IL5RA: variants seen among roughly 807,000 people sequenced by gnomAD.
IL5RA encodes the protein interleukin-5 receptor subunit alpha.
IL5RA carries 49 observed loss-of-function variants against 50.0 expected under a neutral mutation model. That is an observed-to-expected ratio of 0.98 (90% CI 0.78 to 1.24). The LOEUF is 1.24. Among genes scored for constraint, IL5RA ranks in the 50% most tolerant of loss-of-function variants. IL5RA has a pLI of 0.00. For synonymous variants in IL5RA, 202 were observed against 174.0 expected (o/e 1.16, Z -1.26); for missense variants, 600 against 500.4 (o/e 1.20, Z -1.90).
At chr3:3,091,454 C>T (rs915446853) in intron 9 of IL5RA, among the ~76,000 whole-genome samples, 9 of 152,214 alleles carry the variant, frequency 5.9e-5, no homozygotes, top group Non-Finnish European at 8.8e-5. Context: ...ACATATGGCT[C>T]GGCACAGCGG....
intron 3 of IL5RA, among the ~76,000 whole-genome samples, chr3:3,104,184 C>T (rs1229216060): frequency 6.6e-6 from 1 of 152,218 alleles, no homozygotes; most frequent in Non-Finnish European, 1.5e-5. Context: ...AGATTACAGG[C>T]ATGTGCCACC....
chr3:3,075,738 A>T (rs895124798), intron 10 of IL5RA, among the ~76,000 whole-genome samples: 1 of 151,734 alleles, frequency 6.6e-6, no homozygotes, highest in Non-Finnish European at 1.5e-5. Flanking sequence ...GTAGCTGGGA[A>T]TACAGGCACG....
At chr3:3,071,926 C>T (rs893754007) in intron 11 of IL5RA, among the ~76,000 whole-genome samples, 2 of 152,152 alleles carry the variant, frequency 1.3e-5, no homozygotes, top group African/African-American at 2.4e-5. Context: ...GAGGTCTGAA[C>T]AAGCAAAAAC....
rs139531666 is a variant in IL5RA, at chr3:3,092,094, C to G, written c.994+130G>C. 1 of 1,445,604 alleles carries G rather than the reference C, an allele frequency of 6.9e-7. No homozygotes were observed. Among genetic ancestry groups the G allele is most frequent in the African/African-American group, 1.4e-5 (1 of 70,322 alleles). The allele number at this position is 1,445,604 out of a possible 1,614,324, so 89.5% of individuals were successfully genotyped here. A position where few individuals can be genotyped will look rare whatever the true frequency, so the allele number is the denominator to read the frequency against. The stretch of plus-strand genomic sequence containing the variant: ...ATTCCTGATTGAAAAGGCAGTAGAC[C>G]GAGAGAAAATTAGTCACAATAGAGA... On this transcript the variant is annotated intron_variant, in intron 9 of 11. Transcript: ENST00000446632. The surrounding 1 kb of genome is among the most constrained non-coding windows in gnomAD (Gnocchi z 4.2).
intron 8 of IL5RA, among the ~76,000 whole-genome samples, chr3:3,093,554 C>T (rs1703227939): frequency 6.6e-6 from 1 of 152,230 alleles, no homozygotes; most frequent in East Asian, 1.9e-4. Flanking sequence ...CACACGCACA[C>T]ACACGTGCAC....
At chr3:3,106,876 G>A (rs1703948451) in intron 2 of IL5RA, among the ~76,000 whole-genome samples, 1 of 149,858 alleles carries the variant, frequency 6.7e-6, no homozygotes, top group Non-Finnish European at 1.5e-5. Flanking sequence ...TCACTGACTG[G>A]CAAAGTAAAA....
intron 9 of IL5RA, among the ~76,000 whole-genome samples, chr3:3,081,766 G>A (rs1300148248): frequency 6.6e-6 from 1 of 152,096 alleles, no homozygotes; most frequent in Non-Finnish European, 1.5e-5. Flanking sequence ...TTCATTAAAT[G>A]AAAAAAAGTT....
chr3:3,102,061 C>G (rs111594960), intron 4 of IL5RA, among the ~76,000 whole-genome samples: 5 of 152,302 alleles, frequency 3.3e-5, no homozygotes, highest in South Asian at 4.1e-4. Flanking sequence ...TACAGTTAAA[C>G]TCAAGTTCCC....
Position 3,104,593 on chromosome 3 carries a change from C to A in IL5RA, c.82+310G>T, listed in dbSNP as rs576910116. Among the ~76,000 whole-genome samples, 3 of 114,414 alleles carry A rather than the reference C, an allele frequency of 2.6e-5. No individual in the cohort carries two copies. The East Asian group carries it at 1.3e-3, about 51-fold the overall frequency. 75.1% of individuals were successfully genotyped at this position (114,414 alleles called of 152,430 possible). A position where few individuals can be genotyped will look rare whatever the true frequency, so the allele number is the denominator to read the frequency against. Reference sequence around the variant, plus strand: ...AGTTTCTTAACGTTTGGTCATGGGGCCTTCTAACTACTCCCTTGTGTGAGA... The same window carrying A: ...AGTTTCTTAACGTTTGGTCATGGGGACTTCTAACTACTCCCTTGTGTGAGA... On this transcript the variant is annotated intron_variant, in intron 3 of 11. Transcript: ENST00000446632.
rs749310318 is a variant in IL5RA, at chr3:3,102,649, G to C, written c.228+26C>G. ...CAAAATGCATATTTATTCTCAATAA[G>C]GATATCCATTAGAATAAACACTTAC... On this transcript the variant is annotated intron_variant, in intron 4 of 11. Coordinates refer to ENST00000446632, the MANE Select transcript of IL5RA (RefSeq NM_175726.4). The C allele has an allele frequency of 2.3e-5, 34 of 1,472,810 alleles. No individual in the cohort carries two copies. In the South Asian group the frequency reaches 4.2e-4, roughly 18 times the overall value. The allele number at this position is 1,472,810 out of a possible 1,614,324, so 91.2% of individuals were successfully genotyped here. A position where few individuals can be genotyped will look rare whatever the true frequency, so the allele number is the denominator to read the frequency against.
At chr3:3,081,581 G>A (rs1702666015) in intron 9 of IL5RA, among the ~76,000 whole-genome samples, 1 of 152,176 alleles carries the variant, frequency 6.6e-6, no homozygotes, top group Non-Finnish European at 1.5e-5. Context: ...CTCAACTTGT[G>A]CAATATCCCC....
rs1267755423 is a variant in IL5RA, at chr3:3,069,919, T to A, written c.*306A>T. ...AAAGCTGTCTGTTGTGAATGAAAAGTCTGAGGTGAGTCAAGCAAATTGCAA... is the reference window on the plus strand; with the variant it reads ...AAAGCTGTCTGTTGTGAATGAAAAGACTGAGGTGAGTCAAGCAAATTGCAA... On this transcript the variant is annotated 3_prime_UTR_variant, in exon 12 of 12. Transcript: ENST00000446632. 8.2e-6 allele frequency: 2 copies of A among 242,868 alleles called. No individual in the cohort carries two copies. The highest frequency in any genetic ancestry group is 1.6e-5 in the Non-Finnish European group (2 of 127,626). 15.0% of individuals were successfully genotyped at this position (242,868 alleles called of 1,614,324 possible).
chr3:3,080,883 A>T (rs115526850), intron 9 of IL5RA, among the ~76,000 whole-genome samples: 1 of 152,116 alleles, frequency 6.6e-6, no homozygotes, highest in South Asian at 2.1e-4. Flanking sequence ...TTTTGTAGAG[A>T]TGGGGCCTCA....
Position 3,098,075 on chromosome 3 carries a change from C to A in IL5RA, c.522-18G>T. 6.2e-7 allele frequency: 1 copy of A among 1,614,026 alleles called. No homozygotes were observed. On this transcript the variant is annotated intron_variant, in intron 6 of 11. Transcript: ENST00000446632. ...AGCCATACCTAAATTGGAACATTTA[C>A]GAGTGTTATGAGGTTGCAGGAAACA...
Position 3,069,985 on chromosome 3 carries a change from G to GA in IL5RA, c.*239dup. 1 of 430,880 alleles carries GA rather than the reference G, an allele frequency of 2.3e-6. No homozygotes were observed. Among genetic ancestry groups the GA allele is most frequent in the Non-Finnish European group, 4.2e-6 (1 of 240,396 alleles). The allele number at this position is 430,880 out of a possible 1,614,324, so 26.7% of individuals were successfully genotyped here. A position where few individuals can be genotyped will look rare whatever the true frequency, so the allele number is the denominator to read the frequency against. The stretch of plus-strand genomic sequence containing the variant: ...GAGGTGCTACCCTGTACGGCATGGG[G>GA]AGAAAAAACATGGCAAAATGCTTGG... On this transcript the variant is annotated 3_prime_UTR_variant, in exon 12 of 12. Transcript: ENST00000446632.
chr3:3,092,142 C>T lies in IL5RA; in HGVS notation c.994+82G>A, dbSNP rs144263907. 205 of 1,554,220 alleles carry T rather than the reference C, an allele frequency of 1.3e-4. No individual in the cohort carries two copies. The East Asian group carries it at 1.8e-3, about 14-fold the overall frequency. ...AGATATGAAACCATTTTAAGACCCA[C>T]GAGTGAACGGGTACGTTTCTGGGAT... On this transcript the variant is annotated intron_variant, in intron 9 of 11. Transcript: ENST00000446632. The surrounding 1 kb of genome is among the most constrained non-coding windows in gnomAD (Gnocchi z 4.2).
At chr3:3,109,154 T>A (rs1198385867) in intron 1 of IL5RA, among the ~76,000 whole-genome samples, 1 of 152,220 alleles carries the variant, frequency 6.6e-6, no homozygotes, top group East Asian at 1.9e-4. Context: ...CCCTTTTTTT[T>A]GGTTCCATTT....
At position 3,092,054 on chromosome 3, in the gene IL5RA, C is replaced by G. The variant is rs1414384353; in HGVS notation, c.994+170G>C. On this transcript the variant is annotated intron_variant, in intron 9 of 11. Coordinates refer to ENST00000446632, the MANE Select transcript of IL5RA (RefSeq NM_175726.4). The surrounding 1 kb of genome is among the most constrained non-coding windows in gnomAD (Gnocchi z 4.2). ...CCTAGACACTTAAAAACTTCACTGG[C>G]TTCATGGCAAATCTATTCCTGATTG... is the stretch of plus-strand genomic sequence containing the variant. The G allele has an allele frequency of 1.5e-6, 2 of 1,378,848 alleles. No homozygotes were observed. Among genetic ancestry groups the G allele is most frequent in the African/African-American group, 2.9e-5 (2 of 68,086 alleles). 85.4% of individuals were successfully genotyped at this position (1,378,848 alleles called of 1,614,324 possible). A position where few individuals can be genotyped will look rare whatever the true frequency, so the allele number is the denominator to read the frequency against.
chr3:3,108,165 C>A (rs777730185), intron 2 of IL5RA, among the ~76,000 whole-genome samples: 1 of 152,138 alleles, frequency 6.6e-6, no homozygotes, highest in Non-Finnish European at 1.5e-5. Context: ...TAAAAGTTAT[C>A]TCTTGGGGGA....
Sources: allele counts gnomAD v4.1 joint callset (sites outside exome capture counted in the v4.1 genomes callset), GRCh38; gene constraint gnomAD v4.1.1; non-coding constraint Gnocchi (gnomAD v3.1); transcripts MANE v1.5; gene names NCBI Gene and HGNC (gene_info 2026-07-23, HGNC 2026-07-21).